Variants in TTBK2 observed in about 807,000 individuals in gnomAD.
The protein encoded by TTBK2 is tau tubulin kinase 2.
TTBK2 carries 28 observed loss-of-function variants against 110.8 expected under a neutral mutation model. That is an observed-to-expected ratio of 0.25 (90% CI 0.19 to 0.35). The LOEUF (loss-of-function observed/expected upper bound fraction) is 0.35, where lower values mean the gene tolerates loss of function less well. TTBK2 is among the 10% of genes least tolerant of loss of function. The probability of loss-of-function intolerance (pLI) is 1.00; values close to 1 mark genes in which losing one functional copy is unlikely to be tolerated. For missense variants in TTBK2, 1,369 were observed against 1,500.3 expected (o/e 0.91, Z 1.45); for synonymous variants, 532 against 527.3 (o/e 1.01, Z -0.12).
intron 3 of TTBK2, among the ~76,000 whole-genome samples, chr15:42,844,549 C>A (rs566761110): frequency 6.6e-6 from 1 of 152,186 alleles, no homozygotes; most frequent in Admixed American, 6.5e-5. Context: ...CAGAGTGAGA[C>A]CCTGTCTCTA....
intron 9 of TTBK2, among the ~76,000 whole-genome samples, chr15:42,798,933 T>C (rs1278751391): frequency 6.6e-6 from 1 of 152,090 alleles, no homozygotes; most frequent in African/African-American, 2.4e-5. Context: ...GCATCCCAAA[T>C]CTGAAAATCG....
intron 3 of TTBK2, among the ~76,000 whole-genome samples, chr15:42,866,437 G>C (rs954717967): frequency 2.0e-5 from 3 of 152,050 alleles, no homozygotes; most frequent in African/African-American, 7.2e-5. Context: ...CAATAGAACT[G>C]TAAGGAGAAA....
chr15:42,851,074 AT>A (rs1176898213), intron 3 of TTBK2, among the ~76,000 whole-genome samples: 23 of 151,414 alleles, frequency 1.5e-4, no homozygotes, highest in Non-Finnish European at 2.8e-4. Flanking sequence ...AAATAAAAAA[AT>A]AAAAAAATAA....
chr15:42,908,672 G>A (rs1400046787), intron 1 of TTBK2, among the ~76,000 whole-genome samples: 1 of 152,120 alleles, frequency 6.6e-6, no homozygotes, highest in Non-Finnish European at 1.5e-5. Context: ...CAGTGTACAT[G>A]CCAAGGGAAT....
intron 1 of TTBK2, among the ~76,000 whole-genome samples, chr15:42,883,791 GA>G (rs1270499602): frequency 6.6e-6 from 1 of 152,030 alleles, no homozygotes; most frequent in Non-Finnish European, 1.5e-5. Flanking sequence ...TGAAAAGACA[GA>G]GATTAGCAGG....
At chr15:42,805,559 A>G (rs1891427527) in intron 9 of TTBK2, among the ~76,000 whole-genome samples, 1 of 152,196 alleles carries the variant, frequency 6.6e-6, no homozygotes, top group Non-Finnish European at 1.5e-5. Flanking sequence ...CATAAGTACA[A>G]TGGGGAATGA....
At chr15:42,812,908 G>C (rs987476198) in intron 7 of TTBK2, among the ~76,000 whole-genome samples, 1 of 151,742 alleles carries the variant, frequency 6.6e-6, no homozygotes, top group African/African-American at 2.4e-5. Flanking sequence ...TTGGAAAACA[G>C]ATATGAAGAA....
At position 42,775,313 on chromosome 15, in the gene TTBK2, T is replaced by G; in HGVS notation, c.1820A>C (p.Asp607Ala). Residue 607 changes from aspartate (D) to alanine (A), a missense_variant, in exon 13 of 15, where the codon GAT (aspartate) becomes GCT (alanine). This residue lies in a region of TTBK2 where 1,097 missense variants were observed against 1,114.7 expected (regional missense o/e 0.98). Transcript: ENST00000267890. Reference sequence around the variant, plus strand: ...ACCTGAGGTTTCCTTCTTTAAATGATCATTTTCTGCCCAAGGACCTAACTG... The same window carrying G: ...ACCTGAGGTTTCCTTCTTTAAATGAGCATTTTCTGCCCAAGGACCTAACTG... Reference protein sequence around the residue: ...KLQLGPWAENDHLKKETSGVV... With the variant: ...KLQLGPWAENAHLKKETSGVV... 1 of 1,614,204 alleles carries G rather than the reference T, an allele frequency of 6.2e-7. No homozygotes were observed. The highest frequency in any genetic ancestry group is 1.1e-5 in the South Asian group (1 of 91,080).
At chr15:42,871,385 C>T (rs1894609606) in intron 3 of TTBK2, 2 of 937,234 alleles carry the variant, frequency 2.1e-6, no homozygotes, top group African/African-American at 3.6e-5. Flanking sequence ...CTGAGTAAAC[C>T]ATACACAAAA....
intron 13 of TTBK2, among the ~76,000 whole-genome samples, chr15:42,756,212 A>G (rs1321207461): frequency 1.3e-5 from 2 of 151,922 alleles, no homozygotes; most frequent in African/African-American, 2.4e-5. Context: ...CTGAAAAACA[A>G]AAACAAAAAA....
intron 3 of TTBK2, among the ~76,000 whole-genome samples, chr15:42,845,019 T>C (rs898561302): frequency 6.6e-6 from 1 of 152,176 alleles, no homozygotes; most frequent in African/African-American, 2.4e-5. Flanking sequence ...TTCTATAATA[T>C]TATACATAAA....
At chr15:42,849,395 G>A (rs557552619) in intron 3 of TTBK2, among the ~76,000 whole-genome samples, 1 of 152,196 alleles carries the variant, frequency 6.6e-6, no homozygotes, top group Admixed American at 6.5e-5. Flanking sequence ...AAGTCATAAT[G>A]GCTGATTTAA....
intron 2 of TTBK2, among the ~76,000 whole-genome samples, chr15:42,874,712 G>T (rs1051713045): frequency 1.3e-5 from 2 of 151,870 alleles, no homozygotes. Context: ...AAGTGGCCGG[G>T]CGCGGTGGCT....
At chr15:42,901,053 C>A (rs1354635356) in intron 1 of TTBK2, among the ~76,000 whole-genome samples, 1 of 151,960 alleles carries the variant, frequency 6.6e-6, no homozygotes, top group Non-Finnish European at 1.5e-5. Context: ...AACCTAAGAG[C>A]TAAAATTATA....
At chr15:42,789,319 G>A (rs79839244) in intron 10 of TTBK2, among the ~76,000 whole-genome samples, 3 of 126,850 alleles carry the variant, frequency 2.4e-5, no homozygotes, top group African/African-American at 8.4e-5. Flanking sequence ...ATATATATAT[G>A]TTTTTTGTTC....
At chr15:42,892,216 C>T (rs1169226022) in intron 1 of TTBK2, among the ~76,000 whole-genome samples, 2 of 152,048 alleles carry the variant, frequency 1.3e-5, no homozygotes, top group Admixed American at 6.6e-5. Context: ...AACAAGAATA[C>T]AAACACTTGG....
At chr15:42,902,514 C>A (rs1462384043) in intron 1 of TTBK2, among the ~76,000 whole-genome samples, 1 of 151,034 alleles carries the variant, frequency 6.6e-6, no homozygotes, top group Non-Finnish European at 1.5e-5. Flanking sequence ...GAGTGAAACT[C>A]CGTCTTATGT....
intron 13 of TTBK2, 63 bp downstream of exon 13, chr15:42,775,072 A>G: frequency 6.5e-7 from 1 of 1,543,564 alleles, no homozygotes; most frequent in East Asian, 2.2e-5. Context: ...ATCAACTGTT[A>G]GTCCTTTCTT....
At chr15:42,771,382 T>C (rs1290018375) in intron 13 of TTBK2, among the ~76,000 whole-genome samples, 4 of 152,182 alleles carry the variant, frequency 2.6e-5, no homozygotes, top group Non-Finnish European at 4.4e-5. Context: ...TAGGCAGATA[T>C]GTCTGTGTCC....
Sources: allele counts gnomAD v4.1 joint callset (sites outside exome capture counted in the v4.1 genomes callset), GRCh38; gene constraint gnomAD v4.1.1; regional missense constraint gnomAD v4.1.1; transcripts MANE v1.5; gene names NCBI Gene and HGNC (gene_info 2026-07-23, HGNC 2026-07-21).